The following TUBB3 variants were observed in gnomAD, a reference collection of about 807,000 sequenced individuals.
The protein encoded by TUBB3 is tubulin beta-3 chain.
Under a neutral mutation model 37.8 loss-of-function variants are expected in TUBB3, and 17 were observed. That is an observed-to-expected ratio of 0.45 (90% CI 0.31 to 0.67). TUBB3 has a LOEUF of 0.67. Among genes scored for constraint, TUBB3 ranks in the 30% least tolerant of loss-of-function variants. The pLI is 0.07. For synonymous variants in TUBB3, 332 were observed against 278.9 expected, an observed-to-expected ratio of 1.19 and a Z score of -1.90; for missense variants, 262 against 657.9, an observed-to-expected ratio of 0.40 and a Z score of 6.58.
rs778395569 is a variant in TUBB3, at chr16:89,935,108, G to T, written c.657G>T (p.Thr219=). 2 of 1,614,028 alleles carry T rather than the reference G, an allele frequency of 1.2e-6. No individual in the cohort carries two copies. Among genetic ancestry groups the T allele is most frequent in the Admixed American group, 1.7e-5 (1 of 60,002 alleles). ...DICFRTLKLA[T]PTYGDLNHLV... ...GCTTCCGCACCCTCAAGCTGGCCACGCCCACCTACGGGGACCTCAACCACC... is the reference window on the plus strand; with the variant it reads ...GCTTCCGCACCCTCAAGCTGGCCACTCCCACCTACGGGGACCTCAACCACC... The change falls in exon 4 of 4, where the codon ACG becomes ACT. Residue 219 remains threonine, a synonymous_variant. Coordinates refer to ENST00000315491, the MANE Select transcript of TUBB3 (RefSeq NM_006086.4).
At chr16:89,925,889 G>A (rs1288364333) in intron 1 of TUBB3, among the ~76,000 whole-genome samples, 1 of 152,358 alleles carries the variant, frequency 6.6e-6, no homozygotes, top group East Asian at 1.9e-4. Flanking sequence ...GTCCCGGGCG[G>A]TCACGCGGCA....
rs1165363763 is a variant in TUBB3 at position 89,934,715 on chromosome 16, T to G, written c.278-14T>G. On this transcript the variant is annotated splice_polypyrimidine_tract_variant and intron_variant, in intron 3 of 3. Transcript: ENST00000315491. ...CCCTGGCCCCTGTCTCTTACCCCTC[T>G]TCTCCCTGTACAGGTCAGAGTGGGG... The G allele has an allele frequency of 6.2e-7, 1 of 1,613,350 alleles. No homozygotes were observed. The highest frequency in any genetic ancestry group is 8.5e-7 in the Non-Finnish European group (1 of 1,179,540).
intron 1 of TUBB3, among the ~76,000 whole-genome samples, chr16:89,926,586 G>A (rs1567761514): frequency 6.6e-6 from 1 of 152,254 alleles, no homozygotes; most frequent in East Asian, 1.9e-4. Flanking sequence ...TTTTGTTTTT[G>A]GTTATGAGAG....
chr16:89,922,591 C>G (rs2029920325), upstream of TUBB3: 1 of 152,434 alleles, frequency 6.6e-6, no homozygotes, highest in African/African-American at 2.4e-5. Flanking sequence ...CTTGTGCGTC[C>G]TTGTGACAAT....
At chr16:89,928,481 C>T (rs2144407298) in intron 1 of TUBB3, among the ~76,000 whole-genome samples, 1 of 151,998 alleles carries the variant, frequency 6.6e-6, no homozygotes, top group East Asian at 1.9e-4. Context: ...GCCTTAGCCT[C>T]CTGAGTAGCT....
chr16:89,926,491 A>G (rs1270242998), intron 1 of TUBB3, among the ~76,000 whole-genome samples: 5 of 152,200 alleles, frequency 3.3e-5, no homozygotes. Flanking sequence ...CAGGACCCCA[A>G]GCGCTGCGCG....
In TUBB3 at chr16:89,934,745, C is replaced by T; in HGVS notation, c.294C>T (p.Gly98=). 1 of 1,614,064 alleles carries T rather than the reference C, an allele frequency of 6.2e-7. No individual in the cohort carries two copies. The highest frequency in any genetic ancestry group is 8.5e-7 in the Non-Finnish European group (1 of 1,179,986). The change falls in exon 4 of 4, where the codon GGC becomes GGT. Residue 98 remains glycine (G), a synonymous_variant. Coordinates refer to ENST00000315491, the MANE Select transcript of TUBB3 (RefSeq NM_006086.4). ...DNFIFGQSGA[G]NNWAKGHYTE... ...CCTGTACAGGTCAGAGTGGGGCCGG[C>T]AACAACTGGGCCAAGGGTCACTACA...
At chr16:89,926,080 C>T (rs867990263) in intron 1 of TUBB3, among the ~76,000 whole-genome samples, 1 of 152,186 alleles carries the variant, frequency 6.6e-6, no homozygotes, top group South Asian at 2.1e-4. Context: ...TGCAGAAACA[C>T]CGGGGCCCGC....
In TUBB3 at chr16:89,935,862, C is replaced by T. The variant is rs891327402; in HGVS notation, c.*58C>T. ...CGGCCGGGGCCGAAGCCAGCAGTGT[C>T]TAAACCCCCGGAGCCATCTTGCTGC... On this transcript the variant is annotated 3_prime_UTR_variant, in exon 4 of 4. Transcript: ENST00000315491. The T allele has an allele frequency of 6.4e-7, 1 of 1,557,968 alleles. No individual in the cohort carries two copies. Among genetic ancestry groups the T allele is most frequent in the Non-Finnish European group, 8.7e-7 (1 of 1,150,474 alleles).
At chr16:89,931,116 T>C (rs1046184064) in intron 1 of TUBB3, among the ~76,000 whole-genome samples, 1 of 152,140 alleles carries the variant, frequency 6.6e-6, no homozygotes, top group East Asian at 1.9e-4. Context: ...CATGAGCCAC[T>C]GTACCTGGCC....
At chr16:89,930,024 CT>C (rs2030225471) in intron 1 of TUBB3, among the ~76,000 whole-genome samples, 2 of 94,918 alleles carry the variant, frequency 2.1e-5, no homozygotes, top group African/African-American at 1.0e-4. Flanking sequence ...CCCTTCCTTC[CT>C]TCCTTCCTTC....
At chr16:89,923,270 A>G (rs1443723513), upstream of TUBB3, 2 of 603,422 alleles carry the variant, frequency 3.3e-6, no homozygotes, top group Admixed American at 4.9e-5. Context: ...CCGATTGGCC[A>G]CCCGCGGTGA....
rs1466597096 is a variant in TUBB3, at chr16:89,935,936, C to G, written c.*132C>G. ...CTAGGGCTCCCTTGCCGCCCTCCTGCAGTATTTATGGCCTCGTCCTCCCCA... is the reference window on the plus strand; with the variant it reads ...CTAGGGCTCCCTTGCCGCCCTCCTGGAGTATTTATGGCCTCGTCCTCCCCA... On this transcript the variant is annotated 3_prime_UTR_variant, in exon 4 of 4. Transcript: ENST00000315491. The G allele has an allele frequency of 1.7e-6, 2 of 1,208,266 alleles. No individual in the cohort carries two copies. Among genetic ancestry groups the G allele is most frequent in the Non-Finnish European group, 2.3e-6 (2 of 870,160 alleles). The allele number at this position is 1,208,266 out of a possible 1,614,324, so 74.8% of individuals were successfully genotyped here.
Position 89,933,439 on chromosome 16 carries a change from C to G in TUBB3, c.167-29C>G, listed in dbSNP as rs749993369. On this transcript the variant is annotated intron_variant, in intron 2 of 3. Coordinates refer to ENST00000315491, the MANE Select transcript of TUBB3 (RefSeq NM_006086.4). Reference sequence around the variant, plus strand: ...GGAGAGGCTCTGGCCCTCTGTGACCCGAATCACCGAGCCCCTCTCTCCCCT... The same window carrying G: ...GGAGAGGCTCTGGCCCTCTGTGACCGGAATCACCGAGCCCCTCTCTCCCCT... The G allele has an allele frequency of 3.2e-6, 5 of 1,565,830 alleles. No homozygotes were observed. The Admixed American group carries it at 5.0e-5, about 16-fold the overall frequency.
chr16:89,930,263 C>T (rs1399097583), intron 1 of TUBB3, among the ~76,000 whole-genome samples: 1 of 151,618 alleles, frequency 6.6e-6, no homozygotes, highest in East Asian at 1.9e-4. Context: ...CGCCACCATG[C>T]CTGGCTAATT....
upstream of TUBB3, chr16:89,922,131 C>T (rs1567759771): frequency 6.6e-6 from 1 of 152,504 alleles, no homozygotes; most frequent in Non-Finnish European, 1.5e-5. Context: ...ACAAAAGATC[C>T]ATTTCTCGAC....
In TUBB3 at chr16:89,923,408, G is replaced by A. The variant is rs754904954; in HGVS notation, c.7G>A (p.Glu3Lys). MR[E>K]IVHIQAGQCG... ...CCCGCCAGACGCGCCCAGTATGAGG[G>A]AGATCGTGCACATCCAGGCCGGCCA... is the stretch of plus-strand genomic sequence containing the variant. The change falls in exon 1 of 4, where the codon GAG becomes AAG. Residue 3 changes from glutamate to lysine, a missense_variant. Glu to Lys is a moderately conservative substitution (Grantham distance 56). Transcript: ENST00000315491. The A allele has an allele frequency of 6.6e-7, 1 of 1,510,320 alleles. No individual in the cohort carries two copies. Among genetic ancestry groups the A allele is most frequent in the Non-Finnish European group, 8.9e-7 (1 of 1,128,880 alleles). The allele number at this position is 1,510,320 out of a possible 1,614,324, so 93.6% of individuals were successfully genotyped here.
chr16:89,922,083 C>G (rs1412032330), upstream of TUBB3: 1 of 152,728 alleles, frequency 6.5e-6, no homozygotes, highest in Non-Finnish European at 1.5e-5. Context: ...AGCAGCCACA[C>G]GAGCACACTG....
intron 1 of TUBB3, among the ~76,000 whole-genome samples, chr16:89,927,036 A>T (rs1321274916): frequency 6.6e-6 from 1 of 151,924 alleles, no homozygotes; most frequent in African/African-American, 2.4e-5. Context: ...TTCTGTAGTG[A>T]TGTTAACAAT....
Sources: gnomAD v4.1 joint callset for allele counts (sites outside exome capture counted in the v4.1 genomes callset) on GRCh38, gnomAD v4.1.1 for gene constraint, MANE v1.5 for transcripts, NCBI Gene and HGNC (gene_info 2026-07-23, HGNC 2026-07-21) for gene names.